The following TOGARAM1 variants were observed in gnomAD, a reference collection of about 807,000 sequenced individuals.
The protein encoded by TOGARAM1 is TOG array regulator of axonemal microtubules protein 1.
Under a neutral mutation model 166.6 loss-of-function variants are expected in TOGARAM1, and 100 were observed. That is an observed-to-expected ratio of 0.60 (90% confidence interval 0.51 to 0.71). TOGARAM1 has a LOEUF of 0.71. Ranked by LOEUF, TOGARAM1 falls within the 30% of genes least tolerant of loss-of-function variation. TOGARAM1 has a pLI of 0.00. For synonymous variants in TOGARAM1, 758 were observed against 763.8 expected, an observed-to-expected ratio of 0.99 and a Z score of 0.13; for missense variants, 2,029 against 2,102.7, an observed-to-expected ratio of 0.96 and a Z score of 0.69.
chr14:45,048,376 G>T (rs1882192277), intron 14 of TOGARAM1, among the ~76,000 whole-genome samples: 1 of 146,808 alleles, frequency 6.8e-6, no homozygotes, highest in Non-Finnish European at 1.5e-5. Flanking sequence ...AAAGATTAAA[G>T]TAAAGAAGTA....
intron 9 of TOGARAM1, 88 bp from the exon 10 acceptor site, chr14:45,028,088 C>G (rs1482190614): frequency 2.7e-6 from 3 of 1,128,594 alleles, no homozygotes; most frequent in Middle Eastern, 3.1e-4. Context: ...AGACTAATAT[C>G]CTCAGACACA....
intron 1 of TOGARAM1, among the ~76,000 whole-genome samples, chr14:44,969,110 T>TTTCCTTCCTTCCTTCC (rs369302120): frequency 1.9e-3 from 269 of 139,144 alleles, no homozygotes; most frequent in African/African-American, 6.4e-3. Flanking sequence ...TCTTTCTTTC[T>TTTCCTTCCTTCCTTCC]TTCCTTCCTT....
At position 45,004,337 on chromosome 14, in the gene TOGARAM1, A is replaced by G. The variant is rs754064646; in HGVS notation, c.2615A>G (p.Lys872Arg). The change falls in exon 4 of 20, where the codon AAA becomes AGA. Residue 872 changes from lysine to arginine, a missense_variant. This residue lies in a region of TOGARAM1 where 1,453 missense variants were observed against 1,432.2 expected (regional missense o/e 1.01). Coordinates refer to ENST00000361462, the MANE Select transcript of TOGARAM1 (RefSeq NM_001308120.2). Reference protein sequence around the residue: ...PSPQKKLVSQKSSDPTGRNHG... With the variant: ...PSPQKKLVSQRSSDPTGRNHG... ...CCACAGAAGAAGCTTGTCAGCCAAA[A>G]ATCGTCTGATCCTACGGGTAGAAAT... 6.2e-7 allele frequency: 1 copy of G among 1,613,906 alleles called. No homozygotes were observed. Among genetic ancestry groups the G allele is most frequent in the Non-Finnish European group, 8.5e-7 (1 of 1,179,916 alleles).
intron 1 of TOGARAM1, among the ~76,000 whole-genome samples, chr14:44,975,223 A>G (rs1405707504): frequency 6.6e-6 from 1 of 152,198 alleles, no homozygotes; most frequent in Non-Finnish European, 1.5e-5. Flanking sequence ...ATTATACTGG[A>G]ATGAATGAAC....
At chr14:45,039,697 G>A (rs1364202021) in intron 11 of TOGARAM1, among the ~76,000 whole-genome samples, 1 of 152,240 alleles carries the variant, frequency 6.6e-6, no homozygotes, top group Non-Finnish European at 1.5e-5. Flanking sequence ...GAACCAGGCA[G>A]TGGGAGAAGG....
chr14:45,003,135 C>G (rs1328061327), intron 3 of TOGARAM1, among the ~76,000 whole-genome samples: 1 of 152,096 alleles, frequency 6.6e-6, no homozygotes, highest in Admixed American at 6.6e-5. Flanking sequence ...TCCTATATCT[C>G]TCTACCTAGA....
chr14:45,025,563 C>CAAAAA (rs1413248103), intron 7 of TOGARAM1: 3 of 229,200 alleles, frequency 1.3e-5, no homozygotes, highest in Non-Finnish European at 1.5e-5. Context: ...GACTCCATCT[C>CAAAAA]AAAAAAAAAA....
At position 44,963,119 on chromosome 14, in the gene TOGARAM1, C is replaced by A; in HGVS notation, c.698C>A (p.Ser233Tyr). 5 of 1,614,188 alleles carry A rather than the reference C, an allele frequency of 3.1e-6. No individual in the cohort carries two copies. Among genetic ancestry groups the A allele is most frequent in the Non-Finnish European group, 4.2e-6 (5 of 1,180,042 alleles). The change falls in exon 1 of 20, where the codon TCC (serine) becomes TAC (tyrosine). Residue 233 changes from serine to tyrosine, a missense_variant. Ser to Tyr is a moderately radical substitution (Grantham distance 144, BLOSUM62 -2). Transcript: ENST00000361462. Reference protein sequence around the residue: ...LESTDARLRASTALLLPILLT... With the variant: ...LESTDARLRAYTALLLPILLT... ...AGTACCGATGCCCGACTTAGAGCTT[C>A]CACAGCACTACTGCTTCCCATCTTG...
At chr14:45,038,396 G>A (rs1273606799) in intron 11 of TOGARAM1, among the ~76,000 whole-genome samples, 1 of 152,220 alleles carries the variant, frequency 6.6e-6, no homozygotes, top group Non-Finnish European at 1.5e-5. Context: ...TACAAAGGGT[G>A]AGCCAGGCAC....
chr14:44,966,841 G>T (rs1885573757), intron 1 of TOGARAM1, among the ~76,000 whole-genome samples: 1 of 152,138 alleles, frequency 6.6e-6, no homozygotes, highest in Admixed American at 6.5e-5. Context: ...TGTAGTCCCA[G>T]CTACTTCGGA....
chr14:45,004,471 C>G (rs2138839705), intron 4 of TOGARAM1, 105 bp downstream of exon 4: 1 of 814,424 alleles, frequency 1.2e-6, no homozygotes, highest in East Asian at 2.7e-5. Flanking sequence ...TACATTTTAT[C>G]TGTCTGAATT....
intron 16 of TOGARAM1, among the ~76,000 whole-genome samples, chr14:45,061,479 A>G (rs1022726733): frequency 6.6e-6 from 1 of 152,218 alleles, no homozygotes; most frequent in Non-Finnish European, 1.5e-5. Context: ...CTTTGGGACA[A>G]AATGTTTAGC....
chr14:45,068,029 T>C (rs182344886), intron 17 of TOGARAM1, among the ~76,000 whole-genome samples: 54 of 152,320 alleles, frequency 3.5e-4, no homozygotes, highest in African/African-American at 1.3e-3. Context: ...CTTACAAGTC[T>C]ACTTCTAGTG....
chr14:45,027,645 A>G (rs1880930880), intron 9 of TOGARAM1, among the ~76,000 whole-genome samples, 171 bp downstream of exon 9: 1 of 152,202 alleles, frequency 6.6e-6, no homozygotes, highest in African/African-American at 2.4e-5. Flanking sequence ...TAGGAAAAAT[A>G]CAAAAATTAG....
At chr14:45,013,725 T>G (rs1425616034) in intron 7 of TOGARAM1, among the ~76,000 whole-genome samples, 2 of 151,938 alleles carry the variant, frequency 1.3e-5, no homozygotes, top group African/African-American at 4.8e-5. Context: ...GGGGAGAGAG[T>G]GACCCAAAGA....
In TOGARAM1 at chr14:44,977,335, C is replaced by T. The variant is rs567775963; in HGVS notation, c.2046+12868C>T. 1.2e-4 allele frequency among the ~76,000 whole-genome samples: 18 copies of T among 150,112 alleles called. No homozygotes were observed. The South Asian group carries it at 3.0e-3, about 25-fold the overall frequency. On this transcript the variant is annotated intron_variant, in intron 1 of 19. Transcript: ENST00000361462. ...CTGCAAGCTCCACCTTCCGGGTTCA[C>T]GCCATTCTCCTGCCTCAGCCTCCCT... is the stretch of plus-strand genomic sequence containing the variant.
chr14:45,062,999 T>A (rs1011439921), intron 16 of TOGARAM1, among the ~76,000 whole-genome samples: 3 of 152,126 alleles, frequency 2.0e-5, no homozygotes, highest in Admixed American at 6.5e-5. Context: ...CCCTAGGCAG[T>A]TTGTCTTCTG....
At chr14:45,011,861 TCCC>T in intron 6 of TOGARAM1, 111 bp from the exon 7 acceptor site, 1 of 644,984 alleles carries the variant, frequency 1.6e-6, no homozygotes, top group South Asian at 2.4e-5. Context: ...TACTTATTGC[TCCC>T]TTATTATCTA....
At position 44,977,304 on chromosome 14, in the gene TOGARAM1, A is replaced by G. The variant is rs990398179; in HGVS notation, c.2046+12837A>G. ...GGCTGGAGTGTAGTAGTGTGATCTC[A>G]GCTCACTGCAAGCTCCACCTTCCGG... On this transcript the variant is annotated intron_variant, in intron 1 of 19. Coordinates refer to ENST00000361462, the MANE Select transcript of TOGARAM1 (RefSeq NM_001308120.2). Among the ~76,000 whole-genome samples the G allele has an allele frequency of 9.3e-5, 13 of 139,714 alleles. No homozygotes were observed. In the East Asian group the frequency reaches 2.5e-3, roughly 27 times the overall value. The allele number at this position is 139,714 out of a possible 152,430, so 91.7% of individuals were successfully genotyped here.
Sources: gnomAD v4.1 joint callset for allele counts (sites outside exome capture counted in the v4.1 genomes callset) on GRCh38, gnomAD v4.1.1 for gene constraint, gnomAD v4.1.1 regional missense constraint, MANE v1.5 for transcripts, NCBI Gene and HGNC (gene_info 2026-07-23, HGNC 2026-07-21) for gene names.